The following CNTN5 variants were observed in gnomAD, a reference collection of about 807,000 sequenced individuals.
CNTN5 encodes contactin 5, also known as contactin-5.
In CNTN5, 77 loss-of-function variants were observed where a neutral mutation model predicts 129.1. The observed-to-expected ratio is 0.60, with a 90% CI of 0.50 to 0.72. CNTN5 has a LOEUF of 0.72. CNTN5 is among the 30% of genes least tolerant of loss of function. CNTN5 has a pLI of 0.00. For missense variants in CNTN5, 1,478 were observed against 1,328.8 expected, an observed-to-expected ratio of 1.11 and a Z score of -1.75; for synonymous variants, 509 against 465.6, an observed-to-expected ratio of 1.09 and a Z score of -1.20.
chr11:99,264,455 T>C (rs901312504), intron 1 of CNTN5, among the ~76,000 whole-genome samples: 2 of 152,088 alleles, frequency 1.3e-5, no homozygotes, highest in Non-Finnish European at 2.9e-5. Context: ...ATCCTCGGAT[T>C]GTGAGATGCT....
At chr11:99,816,821 A>G (rs995792419) in intron 3 of CNTN5, among the ~76,000 whole-genome samples, 16 of 152,204 alleles carry the variant, frequency 1.1e-4, no homozygotes, top group African/African-American at 3.1e-4. Context: ...TCTCTCCCTC[A>G]TAATACCCTG....
At chr11:99,266,731 T>C (rs1240270853) in intron 1 of CNTN5, among the ~76,000 whole-genome samples, 3 of 152,212 alleles carry the variant, frequency 2.0e-5, no homozygotes, top group Middle Eastern at 3.4e-3. Flanking sequence ...GCCTATGCCA[T>C]TTTTTATAAG....
Position 99,795,169 on chromosome 11 carries a change from T to C in CNTN5, c.56-24375T>C, listed in dbSNP as rs149672076. Reference sequence around the variant, plus strand: ...TTGTCTGACTACATTCTGTTAGAGTTGGTTTTTGAGCTGAGAGATTCTGCC... The same window carrying C: ...TTGTCTGACTACATTCTGTTAGAGTCGGTTTTTGAGCTGAGAGATTCTGCC... On this transcript the variant is annotated intron_variant, in intron 3 of 24. Transcript: ENST00000524871. Among the ~76,000 whole-genome samples, 32 of 152,334 alleles carry C rather than the reference T, an allele frequency of 2.1e-4. No individual in the cohort carries two copies. The East Asian group carries it at 6.2e-3, about 29-fold the overall frequency.
At chr11:100,338,823 G>C (rs551168946) in intron 21 of CNTN5, among the ~76,000 whole-genome samples, 94 of 152,136 alleles carry the variant, frequency 6.2e-4, no homozygotes, top group South Asian at 4.6e-3. Flanking sequence ...GCCCCAGAGG[G>C]AATGTTAACA....
chr11:100,025,454 G>T (rs1236730875), intron 9 of CNTN5, among the ~76,000 whole-genome samples: 1 of 152,204 alleles, frequency 6.6e-6, no homozygotes, highest in African/African-American at 2.4e-5. Context: ...CCCCTGCAGA[G>T]TCCCCACTGG....
chr11:99,456,779 T>A (rs1196839955), intron 2 of CNTN5, among the ~76,000 whole-genome samples: 1 of 152,100 alleles, frequency 6.6e-6, no homozygotes, highest in Non-Finnish European at 1.5e-5. Context: ...ATATGCCTAA[T>A]TATTAATATA....
At chr11:99,573,686 G>A (rs1017493330) in intron 3 of CNTN5, among the ~76,000 whole-genome samples, 2 of 152,036 alleles carry the variant, frequency 1.3e-5, no homozygotes, top group Non-Finnish European at 2.9e-5. Flanking sequence ...CCTGAGTGCG[G>A]TGGCGTGATC....
chr11:99,909,061 C>G (rs186652765), intron 6 of CNTN5, among the ~76,000 whole-genome samples: 1 of 152,046 alleles, frequency 6.6e-6, no homozygotes, highest in East Asian at 1.9e-4. Context: ...CCAGCTGAAT[C>G]TTAATTCAAT....
At chr11:99,066,495 CA>C (rs1865109439) in intron 1 of CNTN5, among the ~76,000 whole-genome samples, 1 of 152,118 alleles carries the variant, frequency 6.6e-6, no homozygotes, top group African/African-American at 2.4e-5. Context: ...TTAAGATCAA[CA>C]AATTTTTCTC....
chr11:99,308,071 A>G lies in CNTN5; in HGVS notation c.-209-17275A>G, dbSNP rs548706517. Among the ~76,000 whole-genome samples, 3 of 152,344 alleles carry G rather than the reference A, an allele frequency of 2.0e-5. No homozygotes were observed. In the South Asian group the frequency reaches 6.2e-4, roughly 32 times the overall value. On this transcript the variant is annotated intron_variant, in intron 1 of 24. Coordinates refer to ENST00000524871, the MANE Select transcript of CNTN5 (RefSeq NM_014361.4). ...TTAAAATGCATCAAACTCTTCTGAAAGAAAGTAACATTCAAATGAAAAGCT... is the reference window on the plus strand; with the variant it reads ...TTAAAATGCATCAAACTCTTCTGAAGGAAAGTAACATTCAAATGAAAAGCT...
At chr11:99,919,187 A>G (rs1565677097) in intron 7 of CNTN5, among the ~76,000 whole-genome samples, 1 of 152,148 alleles carries the variant, frequency 6.6e-6, no homozygotes, top group East Asian at 1.9e-4. Context: ...TGCGACTCCA[A>G]GCTTTACTTC....
intron 1 of CNTN5, among the ~76,000 whole-genome samples, chr11:99,206,787 G>A (rs559114294): frequency 3.5e-4 from 53 of 152,152 alleles, no homozygotes; most frequent in Non-Finnish European, 5.7e-4. Flanking sequence ...AAGTGGTTTT[G>A]TCATAATGTT....
chr11:100,101,073 G>T, intron 13 of CNTN5, among the ~76,000 whole-genome samples: 1 of 152,058 alleles, frequency 6.6e-6, no homozygotes, highest in East Asian at 1.9e-4. Flanking sequence ...GAAAATAAAA[G>T]CATCTAATGC....
intron 6 of CNTN5, among the ~76,000 whole-genome samples, chr11:99,862,879 C>A (rs952370876): frequency 6.6e-6 from 1 of 151,968 alleles, no homozygotes; most frequent in Non-Finnish European, 1.5e-5. Context: ...AGGCATGTAA[C>A]CTTCATTAAT....
chr11:99,481,645 T>G (rs540939856), intron 2 of CNTN5, among the ~76,000 whole-genome samples: 1 of 152,186 alleles, frequency 6.6e-6, no homozygotes, highest in South Asian at 2.1e-4. Flanking sequence ...TCTTCAGGAG[T>G]TGGCCCTGCT....
At position 100,357,686 on chromosome 11, in the gene CNTN5, C is replaced by T. The variant is rs549197091; in HGVS notation, c.*1466C>T. ...GTTTTATAATTTTATATAATTTAAA[C>T]TTGTTAACTGTATTTGCTTCATTAA... On this transcript the variant is annotated 3_prime_UTR_variant, in exon 25 of 25. Coordinates refer to ENST00000524871, the MANE Select transcript of CNTN5 (RefSeq NM_014361.4). The T allele has an allele frequency of 1.1e-3, 172 of 151,812 alleles. No individual in the cohort carries two copies. The highest frequency in any genetic ancestry group is 4.0e-3 in the African/African-American group (165 of 41,500). 9.4% of individuals were successfully genotyped at this position (151,812 alleles called of 1,614,324 possible). A position where few individuals can be genotyped will look rare whatever the true frequency, so the allele number is the denominator to read the frequency against.
At chr11:99,661,621 C>T (rs754825107) in intron 3 of CNTN5, among the ~76,000 whole-genome samples, 3 of 151,788 alleles carry the variant, frequency 2.0e-5, no homozygotes, top group Non-Finnish European at 2.9e-5. Flanking sequence ...CCCACTATGC[C>T]GGGTATCCAG....
At position 100,159,011 on chromosome 11, in the gene CNTN5, C is replaced by T. The variant is rs1444721977; in HGVS notation, c.1581-32115C>T. Among the ~76,000 whole-genome samples the T allele has an allele frequency of 3.3e-5, 5 of 151,796 alleles. No homozygotes were observed. The Admixed American group carries it at 3.3e-4, about 10-fold the overall frequency. ...GAAAATTAATAAACTAAAGCTATAT[C>T]TAACAATATAGGTGAATCACATAAA... On this transcript the variant is annotated intron_variant, in intron 13 of 24. Transcript: ENST00000524871.
chr11:100,086,697 T>C (rs945709234), intron 13 of CNTN5, among the ~76,000 whole-genome samples: 3 of 151,130 alleles, frequency 2.0e-5, no homozygotes, highest in Non-Finnish European at 3.0e-5. Flanking sequence ...TAAGCAAAAA[T>C]AAATAGCAAA....
Sources: gnomAD v4.1 joint callset for allele counts (sites outside exome capture counted in the v4.1 genomes callset) on GRCh38, gnomAD v4.1.1 for gene constraint, MANE v1.5 for transcripts, NCBI Gene and HGNC (gene_info 2026-07-23, HGNC 2026-07-21) for gene names.